The following DAGLA variants were observed in gnomAD, a reference collection of about 807,000 sequenced individuals.
The protein encoded by DAGLA is diacylglycerol lipase-alpha.
Under a neutral mutation model 102.6 loss-of-function variants are expected in DAGLA, and 22 were observed. The observed-to-expected ratio is 0.21, with a 90% CI of 0.15 to 0.31. DAGLA has a LOEUF of 0.31. Ranked by LOEUF, DAGLA falls within the 10% of genes least tolerant of loss-of-function variation. The probability of loss-of-function intolerance (pLI) is 1.00; values close to 1 mark genes in which losing one functional copy is unlikely to be tolerated. For missense variants in DAGLA, 927 were observed against 1,446.6 expected (o/e 0.64, Z 5.83); for synonymous variants, 578 against 628.9 (o/e 0.92, Z 1.21).
At position 61,743,983 on chromosome 11, in the gene DAGLA, G is replaced by T; in HGVS notation, c.2623G>T (p.Ala875Ser). 6.2e-7 allele frequency: 1 copy of T among 1,611,910 alleles called. No individual in the cohort carries two copies. The stretch of plus-strand genomic sequence containing the variant: ...TCCTGAGCGGCCCCCCAGTGCTGCG[G>T]CCAATGACGAGGAGGAAGAGGTTGG... Reference protein sequence around the residue: ...VTPERPPSAAANDEEEEVGGG... With the variant: ...VTPERPPSAASNDEEEEVGGG... Residue 875 changes from alanine (A) to serine (S), a missense_variant, in exon 20 of 20, where the codon GCC (alanine) becomes TCC (serine). Physicochemically the swap from Ala to Ser is moderately conservative, Grantham distance 99 (BLOSUM62 1). This residue lies in a region of DAGLA where 434 missense variants were observed against 503.3 expected (regional missense o/e 0.86). Coordinates refer to ENST00000257215, the MANE Select transcript of DAGLA (RefSeq NM_006133.3).
chr11:61,696,664 C>A (rs1411452936), intron 1 of DAGLA, among the ~76,000 whole-genome samples: 1 of 151,944 alleles, frequency 6.6e-6, no homozygotes, highest in Non-Finnish European at 1.5e-5. Context: ...ATCCAAAGAC[C>A]CCTTGGAGAA....
chr11:61,736,660 AG>A (rs1269762186), intron 13 of DAGLA, among the ~76,000 whole-genome samples: 2 of 152,230 alleles, frequency 1.3e-5, no homozygotes, highest in African/African-American at 2.4e-5. Flanking sequence ...GGAAACATGG[AG>A]AGGCTCAAAA....
At chr11:61,712,615 C>T (rs967038794) in intron 1 of DAGLA, among the ~76,000 whole-genome samples, 14 of 152,174 alleles carry the variant, frequency 9.2e-5, no homozygotes, top group Admixed American at 6.5e-5. Flanking sequence ...GTGTGAAAAG[C>T]GACAGCTTTC....
At chr11:61,730,489 A>G (rs1330612802) in intron 8 of DAGLA, among the ~76,000 whole-genome samples, 2 of 149,650 alleles carry the variant, frequency 1.3e-5, no homozygotes, top group African/African-American at 5.1e-5. Context: ...GGTGCCACCT[A>G]TTTCACTTCA....
intron 1 of DAGLA, among the ~76,000 whole-genome samples, chr11:61,689,465 C>T (rs2065008145): frequency 1.4e-5 from 2 of 147,904 alleles, no homozygotes; most frequent in African/African-American, 4.9e-5. Flanking sequence ...ACCACTACTA[C>T]TTGTGCAAGT....
At chr11:61,731,293 C>T (rs772495007) in intron 8 of DAGLA, 24 bp from the exon 9 acceptor site, 11 of 1,612,232 alleles carry the variant, frequency 6.8e-6, no homozygotes, top group Admixed American at 6.7e-5. Flanking sequence ...AGGAGGTGAC[C>T]GCCCTCTGCC....
chr11:61,698,472 G>T (rs961592044), intron 1 of DAGLA, among the ~76,000 whole-genome samples: 2 of 152,230 alleles, frequency 1.3e-5, no homozygotes, highest in Non-Finnish European at 2.9e-5. Flanking sequence ...TGCTTTTGGA[G>T]ATGGGGAGGC....
At chr11:61,705,497 C>T (rs1413157433) in intron 1 of DAGLA, among the ~76,000 whole-genome samples, 1 of 152,204 alleles carries the variant, frequency 6.6e-6, no homozygotes. Context: ...AGTGCTTGTT[C>T]CGCTCTGCTC....
chr11:61,736,136 C>A, intron 12 of DAGLA, 134 bp from the exon 13 acceptor site: 1 of 712,210 alleles, frequency 1.4e-6, no homozygotes, highest in Non-Finnish European at 2.5e-6. Flanking sequence ...GTCTGCCAGC[C>A]CCCACAGCTG....
chr11:61,743,522 C>G lies in DAGLA; in HGVS notation c.2172-10C>G, dbSNP rs753081177. 6.6e-7 allele frequency: 1 copy of G among 1,507,830 alleles called. No individual in the cohort carries two copies. The highest frequency in any genetic ancestry group is 1.4e-5 in the African/African-American group (1 of 71,776). 93.4% of individuals were successfully genotyped at this position (1,507,830 alleles called of 1,614,324 possible). A position where few individuals can be genotyped will look rare whatever the true frequency, so the allele number is the denominator to read the frequency against. On this transcript the variant is annotated splice_polypyrimidine_tract_variant and intron_variant, in intron 19 of 19. Coordinates refer to ENST00000257215, the MANE Select transcript of DAGLA (RefSeq NM_006133.3). The stretch of plus-strand genomic sequence containing the variant: ...AGTCTTATACCCCCTGCTCTCCTCT[C>G]CCTCTGCAGGAGCAAGTCCCAGTCT...
chr11:61,716,496 A>G (rs1201297763), intron 1 of DAGLA, among the ~76,000 whole-genome samples: 8 of 151,554 alleles, frequency 5.3e-5, no homozygotes, highest in Admixed American at 1.3e-4. Context: ...GTGTCGAGAA[A>G]GAAGGATGTG....
In DAGLA at chr11:61,736,266, C is replaced by G; in HGVS notation, c.1291-4C>G. 1 of 1,613,774 alleles carries G rather than the reference C, an allele frequency of 6.2e-7. No individual in the cohort carries two copies. The highest frequency in any genetic ancestry group is 8.5e-7 in the Non-Finnish European group (1 of 1,179,714). ...AACACCTGCTTCTGTTCCTGCCCAC[C>G]CAGGGTATGGTCCTCTCAGCTGAGT... On this transcript the variant is annotated splice_region_variant and splice_polypyrimidine_tract_variant and intron_variant, in intron 12 of 19. Coordinates refer to ENST00000257215, the MANE Select transcript of DAGLA (RefSeq NM_006133.3).
chr11:61,718,206 C>T (rs553498993), intron 1 of DAGLA, among the ~76,000 whole-genome samples: 1 of 152,150 alleles, frequency 6.6e-6, no homozygotes, highest in African/African-American at 2.4e-5. Context: ...GCCAGCCCCT[C>T]TGGGACAGCA....
At chr11:61,720,614 C>T in intron 2 of DAGLA, 65 bp from the exon 3 acceptor site, 4 of 1,497,668 alleles carry the variant, frequency 2.7e-6, no homozygotes, top group Non-Finnish European at 3.7e-6. Context: ...AAGGGCCTGC[C>T]TGCTAGTAGC....
At chr11:61,717,627 G>A (rs1457756009) in intron 1 of DAGLA, among the ~76,000 whole-genome samples, 1 of 152,242 alleles carries the variant, frequency 6.6e-6, no homozygotes, top group Non-Finnish European at 1.5e-5. Context: ...TGGGTACGTG[G>A]TAGAGCCCAG....
chr11:61,736,177 A>G (rs2065421699), intron 12 of DAGLA, 93 bp from the exon 13 acceptor site: 2 of 1,061,280 alleles, frequency 1.9e-6, no homozygotes, highest in Non-Finnish European at 2.9e-6. Context: ...GGAAAAATGG[A>G]TGGGGCAGGG....
At position 61,744,347 on chromosome 11, in the gene DAGLA, C is replaced by A. The variant is rs959166836; in HGVS notation, c.2987C>A (p.Ser996Tyr). The A allele has an allele frequency of 6.2e-7, 1 of 1,612,666 alleles. No individual in the cohort carries two copies. The highest frequency in any genetic ancestry group is 8.5e-7 in the Non-Finnish European group (1 of 1,179,764). ...ISLSPSFPLS[S>Y]SGELMDLTPT... ...CTCTCGCCCTCCTTCCCGCTCAGCT[C>A]CTCGGGTGAGCTCATGGACCTGACG... Residue 996 changes from serine to tyrosine, a missense_variant, in exon 20 of 20, where the codon TCC becomes TAC. Ser to Tyr is a moderately radical substitution (Grantham distance 144). This residue lies in a region of DAGLA where 434 missense variants were observed against 503.3 expected (regional missense o/e 0.86). Coordinates refer to ENST00000257215, the MANE Select transcript of DAGLA (RefSeq NM_006133.3).
chr11:61,744,493 C>T lies in DAGLA; in HGVS notation c.*4C>T, dbSNP rs754618414. The T allele has an allele frequency of 2.6e-6, 4 of 1,538,044 alleles. No individual in the cohort carries two copies. The highest frequency in any genetic ancestry group is 2.5e-5 in the South Asian group (2 of 79,756). On this transcript the variant is annotated 3_prime_UTR_variant, in exon 20 of 20. Coordinates refer to ENST00000257215, the MANE Select transcript of DAGLA (RefSeq NM_006133.3). Reference sequence around the variant, plus strand: ...GCTGGTCATCTCAGCACGCTAGCACCCCAGTTGCGTGGCCAGCCGGGCCCA... The same window carrying T: ...GCTGGTCATCTCAGCACGCTAGCACTCCAGTTGCGTGGCCAGCCGGGCCCA...
intron 1 of DAGLA, among the ~76,000 whole-genome samples, chr11:61,693,987 T>G (rs1169500951): frequency 6.6e-6 from 1 of 152,248 alleles, no homozygotes; most frequent in Non-Finnish European, 1.5e-5. Flanking sequence ...AAGTTTAGTT[T>G]GGCATCACCT....
Sources: gnomAD v4.1 joint callset for allele counts (sites outside exome capture counted in the v4.1 genomes callset) on GRCh38, gnomAD v4.1.1 for gene constraint, gnomAD v4.1.1 regional missense constraint, MANE v1.5 for transcripts, NCBI Gene and HGNC (gene_info 2026-07-23, HGNC 2026-07-21) for gene names.